Variants in AGBL1 observed in about 807,000 individuals in gnomAD.
AGBL1 encodes cytosolic carboxypeptidase 4.
AGBL1 carries 130 observed loss-of-function variants against 118.9 expected under a neutral mutation model. The observed-to-expected ratio is 1.09, with a 90% CI of 0.95 to 1.26. The LOEUF (loss-of-function observed/expected upper bound fraction) is 1.26. AGBL1 is among the 50% of genes most tolerant of loss of function. The probability of loss-of-function intolerance (pLI) is 0.00; values close to 1 mark genes in which losing one functional copy is unlikely to be tolerated. For synonymous variants in AGBL1, 555 were observed against 478.9 expected (o/e 1.16, Z -2.08); for missense variants, 1,584 against 1,298.1 (o/e 1.22, Z -3.38).
At chr15:86,918,044 G>A (rs2080446318), downstream of AGBL1, among the ~76,000 whole-genome samples, 1 of 152,058 alleles carries the variant, frequency 6.6e-6, no homozygotes, top group Admixed American at 6.5e-5. Context: ...GAAAACATGG[G>A]GGAAGCCACC....
chr15:86,193,135 T>C (rs1393062563), intron 5 of AGBL1, among the ~76,000 whole-genome samples: 16 of 152,108 alleles, frequency 1.1e-4, no homozygotes, highest in Non-Finnish European at 2.1e-4. Context: ...CAAAAGAATC[T>C]TTGGGAACCC....
At chr15:86,113,002 C>A (rs1897490393) in intron 1 of AGBL1, among the ~76,000 whole-genome samples, 1 of 152,118 alleles carries the variant, frequency 6.6e-6, no homozygotes. Context: ...TTTGTTCTCA[C>A]TCTTCAAAAA....
intron 17 of AGBL1, among the ~76,000 whole-genome samples, chr15:86,392,848 A>G (rs1596059030): frequency 6.6e-6 from 1 of 152,330 alleles, no homozygotes; most frequent in Admixed American, 6.5e-5. Context: ...AGAAAAAAAT[A>G]AATGCAAATA....
intron 22 of AGBL1, among the ~76,000 whole-genome samples, chr15:86,776,789 T>TGA (rs1290141997): frequency 9.5e-4 from 107 of 113,008 alleles, no homozygotes; most frequent in South Asian, 2.7e-3. Context: ...TGTGTGTGTG[T>TGA]GAGAGAGAGA....
At chr15:86,085,273 A>G (rs1440920332) in intron 1 of AGBL1, among the ~76,000 whole-genome samples, 3 of 152,124 alleles carry the variant, frequency 2.0e-5, no homozygotes, top group East Asian at 3.9e-4. Flanking sequence ...CAGGATGAGG[A>G]GGGTGCCTAG....
At chr15:86,341,530 A>AG (rs2141882492) in intron 17 of AGBL1, among the ~76,000 whole-genome samples, 2 of 152,320 alleles carry the variant, frequency 1.3e-5, no homozygotes, top group East Asian at 3.9e-4. Context: ...GGGAGGACTC[A>AG]GGAAGGGTAC....
chr15:86,549,708 T>C (rs149816991), intron 20 of AGBL1, among the ~76,000 whole-genome samples: 1 of 151,914 alleles, frequency 6.6e-6, no homozygotes, highest in African/African-American at 2.4e-5. Context: ...TCCAAGCAAC[T>C]GTTAAAATAT....
chr15:86,257,119 C>A, intron 8 of AGBL1, 101 bp downstream of exon 8: 2 of 1,266,920 alleles, frequency 1.6e-6, no homozygotes, highest in South Asian at 3.1e-5. Context: ...TTTTATAGGT[C>A]AACCATAATT....
chr15:86,739,474 G>GAA (rs1212602271), intron 22 of AGBL1, among the ~76,000 whole-genome samples: 2 of 122,810 alleles, frequency 1.6e-5, no homozygotes, highest in African/African-American at 3.0e-5. Context: ...AAGTAAAAGA[G>GAA]AAAAAAAAAT....
chr15:86,637,547 T>C (rs1313028615), intron 21 of AGBL1, among the ~76,000 whole-genome samples: 1 of 152,126 alleles, frequency 6.6e-6, no homozygotes, highest in East Asian at 1.9e-4. Flanking sequence ...TTCTGTGCTA[T>C]GGGAATTCTT....
intron 22 of AGBL1, among the ~76,000 whole-genome samples, chr15:86,895,081 C>A (rs551608539): frequency 3.5e-4 from 54 of 152,138 alleles, no homozygotes; most frequent in African/African-American, 1.3e-3. Context: ...CCTTCCCTTT[C>A]TTTTATCTTC....
At chr15:87,000,269 T>G (rs2081422699) in intron 24 of AGBL1, among the ~76,000 whole-genome samples, 1 of 70,090 alleles carries the variant, frequency 1.4e-5, no homozygotes, top group African/African-American at 4.3e-5. Context: ...TGGTTGCCAT[T>G]GCTTTTGGTG....
chr15:86,484,255 C>T (rs2142129762), intron 18 of AGBL1, among the ~76,000 whole-genome samples: 1 of 152,106 alleles, frequency 6.6e-6, no homozygotes, highest in South Asian at 2.1e-4. Context: ...GAGGGGAAGG[C>T]TGATAGAGGA....
intron 22 of AGBL1, among the ~76,000 whole-genome samples, chr15:86,886,798 A>G (rs114840883): frequency 6.6e-6 from 1 of 152,140 alleles, no homozygotes; most frequent in Non-Finnish European, 1.5e-5. Flanking sequence ...CAAGGCCCCA[A>G]CCGTATTTGA....
At chr15:86,174,757 A>G (rs1215424086) in intron 5 of AGBL1, among the ~76,000 whole-genome samples, 2 of 152,116 alleles carry the variant, frequency 1.3e-5, no homozygotes, top group Admixed American at 6.6e-5. Context: ...GGAAGACTGT[A>G]TGGTTTTTAT....
chr15:86,756,151 C>T (rs2077935794), intron 22 of AGBL1, among the ~76,000 whole-genome samples: 1 of 149,804 alleles, frequency 6.7e-6, no homozygotes, highest in Non-Finnish European at 1.5e-5. Context: ...GCATTTGATG[C>T]CAGGAGCCAG....
At chr15:86,518,021 G>T (rs2083143030) in intron 18 of AGBL1, among the ~76,000 whole-genome samples, 1 of 152,076 alleles carries the variant, frequency 6.6e-6, no homozygotes, top group South Asian at 2.1e-4. Flanking sequence ...CTCTCTTTAG[G>T]CTCCAGAGCT....
At chr15:86,145,597 G>T (rs2077022622) in intron 3 of AGBL1, among the ~76,000 whole-genome samples, 1 of 152,132 alleles carries the variant, frequency 6.6e-6, no homozygotes, top group Non-Finnish European at 1.5e-5. Context: ...CCAATATTTG[G>T]ATCTCCACGC....
chr15:86,971,817 C>T (rs1226281352), intron 23 of AGBL1, among the ~76,000 whole-genome samples: 1 of 151,878 alleles, frequency 6.6e-6, no homozygotes, highest in Non-Finnish European at 1.5e-5. Flanking sequence ...CCCCCTGTGT[C>T]AAGGGAGAGA....
Sources: allele counts gnomAD v4.1 joint callset (sites outside exome capture counted in the v4.1 genomes callset), GRCh38; gene constraint gnomAD v4.1.1; transcripts MANE v1.5; gene names NCBI Gene and HGNC (gene_info 2026-07-23, HGNC 2026-07-21).